Variants in FNDC3A observed in about 807,000 individuals in gnomAD.
FNDC3A encodes the protein fibronectin type-III domain-containing protein 3A.
Under a neutral mutation model 148.9 loss-of-function variants are expected in FNDC3A, and 32 were observed. The ratio of observed to expected loss-of-function variants is 0.21; its 90% CI spans 0.16 to 0.29. The LOEUF (loss-of-function observed/expected upper bound fraction) is 0.29, where lower values mean the gene tolerates loss of function less well. Among genes scored for constraint, FNDC3A ranks in the 10% least tolerant of loss-of-function variants. The pLI, the probability that FNDC3A is intolerant of heterozygous loss-of-function variation, is 1.00. For synonymous variants in FNDC3A, 472 were observed against 473.6 expected (o/e 1.00, Z 0.04); for missense variants, 1,191 against 1,452.8 (o/e 0.82, Z 2.93).
At chr13:49,075,765 G>GAA (rs1275811859) in intron 3 of FNDC3A, among the ~76,000 whole-genome samples, 1 of 150,616 alleles carries the variant, frequency 6.6e-6, no homozygotes, top group Non-Finnish European at 1.5e-5. Context: ...TATGTGTTCT[G>GAA]TTTCCCTTAT....
At chr13:48,981,191 C>T (rs192454795) in intron 1 of FNDC3A, among the ~76,000 whole-genome samples, 11 of 152,218 alleles carry the variant, frequency 7.2e-5, no homozygotes, top group African/African-American at 2.6e-4. Context: ...GAAACAGCTT[C>T]ACCATGCCAG....
At chr13:49,018,668 G>T (rs2137634719) in intron 2 of FNDC3A, among the ~76,000 whole-genome samples, 1 of 152,400 alleles carries the variant, frequency 6.6e-6, no homozygotes, top group African/African-American at 2.4e-5. Flanking sequence ...TTTGGAGGAG[G>T]AGAGGTGCTC....
chr13:49,066,863 T>A (rs1342587090), intron 2 of FNDC3A, among the ~76,000 whole-genome samples: 1 of 152,192 alleles, frequency 6.6e-6, no homozygotes, highest in African/African-American at 2.4e-5. Context: ...GCTTATATTC[T>A]TAATGACTAT....
At chr13:49,083,626 G>C (rs1477322916) in intron 3 of FNDC3A, among the ~76,000 whole-genome samples, 6 of 152,080 alleles carry the variant, frequency 3.9e-5, no homozygotes, top group Admixed American at 3.9e-4. Flanking sequence ...TAGAAAAGAG[G>C]GCAGTGACTT....
intron 3 of FNDC3A, among the ~76,000 whole-genome samples, chr13:49,094,622 C>T (rs1443622258): frequency 1.3e-5 from 2 of 152,008 alleles, no homozygotes; most frequent in Non-Finnish European, 2.9e-5. Flanking sequence ...GACTGTATCC[C>T]TGACTCCCAT....
At chr13:49,012,126 T>A (rs1234226387) in intron 2 of FNDC3A, among the ~76,000 whole-genome samples, 1 of 152,166 alleles carries the variant, frequency 6.6e-6, no homozygotes, top group East Asian at 1.9e-4. Context: ...TTATGGATTT[T>A]TTTTTTTGAG....
chr13:49,135,975 TACTA>T (rs1409225905), intron 5 of FNDC3A, among the ~76,000 whole-genome samples: 2 of 152,164 alleles, frequency 1.3e-5, no homozygotes, highest in Non-Finnish European at 2.9e-5. Context: ...AAGTAATAGT[TACTA>T]AAGAGTAAAA....
At chr13:49,066,762 G>A (rs1204008722) in intron 2 of FNDC3A, among the ~76,000 whole-genome samples, 1 of 151,328 alleles carries the variant, frequency 6.6e-6, no homozygotes, top group African/African-American at 2.4e-5. Context: ...TGTTACATAG[G>A]TATACACGTG....
chr13:49,084,472 A>G lies in FNDC3A; in HGVS notation c.175+9108A>G, dbSNP rs1878676085. 2.0e-5 allele frequency among the ~76,000 whole-genome samples: 3 copies of G among 152,240 alleles called. No individual in the cohort carries two copies. In the South Asian group the frequency reaches 6.2e-4, roughly 31 times the overall value. On this transcript the variant is annotated intron_variant, in intron 3 of 25. Transcript: ENST00000492622. ...ATATGAGCACCATTTAAGATTATAC[A>G]GTTATATGAAAATATTGATTTAAAT...
intron 2 of FNDC3A, among the ~76,000 whole-genome samples, chr13:49,010,869 A>G (rs1952327516): frequency 6.6e-6 from 1 of 152,174 alleles, no homozygotes; most frequent in Non-Finnish European, 1.5e-5. Flanking sequence ...AGTTTTGCCA[A>G]TTCTTGATAT....
At chr13:49,120,996 T>A (rs1057322718) in intron 4 of FNDC3A, among the ~76,000 whole-genome samples, 35 of 152,286 alleles carry the variant, frequency 2.3e-4, no homozygotes, top group Admixed American at 1.1e-3. Flanking sequence ...CAAGCTGACC[T>A]AATAGACATC....
intron 1 of FNDC3A, among the ~76,000 whole-genome samples, chr13:48,996,881 G>T (rs898047120): frequency 1.3e-5 from 2 of 151,972 alleles, no homozygotes; most frequent in African/African-American, 4.8e-5. Flanking sequence ...GACCAACATG[G>T]TGAAACCACA....
At chr13:49,109,151 G>C (rs1880388402) in intron 3 of FNDC3A, among the ~76,000 whole-genome samples, 1 of 152,200 alleles carries the variant, frequency 6.6e-6, no homozygotes, top group South Asian at 2.1e-4. Context: ...GTTAACGCAA[G>C]TAAAACACTC....
intron 4 of FNDC3A, among the ~76,000 whole-genome samples, chr13:49,128,560 C>G (rs564860199): frequency 7.9e-5 from 12 of 152,264 alleles, no homozygotes; most frequent in African/African-American, 2.9e-4. Flanking sequence ...CACATATCCT[C>G]TAGGAGTCAG....
chr13:49,014,934 C>G (rs1436312582), intron 2 of FNDC3A, among the ~76,000 whole-genome samples: 3 of 150,184 alleles, frequency 2.0e-5, no homozygotes, highest in East Asian at 3.9e-4. Context: ...TTTCTGAGGG[C>G]TCTGTTCTGT....
rs1483406369 is a variant in FNDC3A, at chr13:49,207,263, C to T, written c.3465C>T (p.Asn1155=). Residue 1155 remains asparagine (N), a synonymous_variant, in exon 26 of 26, where the codon AAC becomes AAT. Coordinates refer to ENST00000492622, the MANE Select transcript of FNDC3A (RefSeq NM_001079673.2). ...GGACTGAACCACCAGCCAGCACCAA[C>T]AGAGACACTGTGGAAAGCACAAGGA... is the stretch of plus-strand genomic sequence containing the variant. The part of the protein sequence containing the change: ...SQRTEPPAST[N]RDTVESTRTR... The T allele has an allele frequency of 6.2e-7, 1 of 1,614,064 alleles. No individual in the cohort carries two copies. The highest frequency in any genetic ancestry group is 8.5e-7 in the Non-Finnish European group (1 of 1,180,018).
rs1274190592 is a variant in FNDC3A at position 49,208,386 on chromosome 13, A to G, written c.*991A>G. The G allele has an allele frequency of 1.3e-5, 2 of 152,678 alleles. No homozygotes were observed. The highest frequency in any genetic ancestry group is 1.5e-5 in the Non-Finnish European group (1 of 68,040). The allele number at this position is 152,678 out of a possible 1,614,324, so 9.5% of individuals were successfully genotyped here. A position where few individuals can be genotyped will look rare whatever the true frequency, so the allele number is the denominator to read the frequency against. ...TCCCATAACTGCTGCCACCACCATC[A>G]GAATTCATAATCAAACCTAACCTTT... On this transcript the variant is annotated 3_prime_UTR_variant, in exon 26 of 26. Coordinates refer to ENST00000492622, the MANE Select transcript of FNDC3A (RefSeq NM_001079673.2).
At chr13:49,009,730 AAAG>A (rs1160803816) in intron 2 of FNDC3A, among the ~76,000 whole-genome samples, 3 of 152,360 alleles carry the variant, frequency 2.0e-5, no homozygotes, top group Non-Finnish European at 2.9e-5. Flanking sequence ...GCCACCATCT[AAAG>A]AAGATTTCAG....
intron 2 of FNDC3A, among the ~76,000 whole-genome samples, chr13:49,025,351 T>C (rs1364451793): frequency 6.6e-6 from 1 of 152,072 alleles, no homozygotes; most frequent in East Asian, 1.9e-4. Flanking sequence ...TATTCTAATA[T>C]TTTCTTTTTT....
Sources: gnomAD v4.1 joint callset for allele counts (sites outside exome capture counted in the v4.1 genomes callset) on GRCh38, gnomAD v4.1.1 for gene constraint, MANE v1.5 for transcripts, NCBI Gene and HGNC (gene_info 2026-07-23, HGNC 2026-07-21) for gene names.